The following ABCA4 variants were observed in gnomAD, a reference collection of about 807,000 sequenced individuals.
ABCA4 encodes ATP binding cassette subfamily A member 4.
In ABCA4, 196 loss-of-function variants were observed where a neutral mutation model predicts 263.7. The ratio of observed to expected loss-of-function variants is 0.74; its 90% CI spans 0.66 to 0.84. ABCA4 has a LOEUF of 0.84. Among genes scored for constraint, ABCA4 ranks in the 40% least tolerant of loss-of-function variants. The pLI, the probability that ABCA4 is intolerant of heterozygous loss-of-function variation, is 0.00. For synonymous variants in ABCA4, 1,133 were observed against 1,094.2 expected, an observed-to-expected ratio of 1.04 and a Z score of -0.70; for missense variants, 2,792 against 2,855.1, an observed-to-expected ratio of 0.98 and a Z score of 0.50.
chr1:94,041,706 T>C (rs1660492376), intron 22 of ABCA4, among the ~76,000 whole-genome samples: 5 of 152,118 alleles, frequency 3.3e-5, no homozygotes, highest in Admixed American at 3.3e-4. Context: ...TCTAGGGAGT[T>C]TCATATGTAC....
chr1:94,083,335 A>G lies in ABCA4; in HGVS notation c.858+17T>C. On this transcript the variant is annotated intron_variant, in intron 7 of 49. Coordinates refer to ENST00000370225, the MANE Select transcript of ABCA4 (RefSeq NM_000350.3). ...AAGACATAATGAAATTATAATTACT[A>G]CCATCAGGCTACTCACCTCTTGAAT... 2 of 1,553,846 alleles carry G rather than the reference A, an allele frequency of 1.3e-6. No homozygotes were observed. Among genetic ancestry groups the G allele is most frequent in the South Asian group, 1.1e-5 (1 of 89,864 alleles).
chr1:93,993,182 C>T lies in ABCA4; in HGVS notation c.*55G>A, dbSNP rs201160433. ...ATGACCATATGGGCACAGGCTCCTG[C>T]GCCTCCAGCTGCCCAGAGTTCCTTT... On this transcript the variant is annotated 3_prime_UTR_variant, in exon 50 of 50. Transcript: ENST00000370225. The T allele has an allele frequency of 4.4e-5, 71 of 1,612,668 alleles. No homozygotes were observed. In the Middle Eastern group the frequency reaches 6.7e-4, roughly 15 times the overall value.
chr1:94,013,018 G>A (rs566015590), intron 38 of ABCA4, among the ~76,000 whole-genome samples: 7 of 152,324 alleles, frequency 4.6e-5, no homozygotes, highest in African/African-American at 1.4e-4. Flanking sequence ...TTTTGAAGGC[G>A]GGTGCTTAGC....
At chr1:94,044,068 TC>T (rs1660599075) in intron 20 of ABCA4, among the ~76,000 whole-genome samples, 1 of 14,662 alleles carries the variant, frequency 6.8e-5, no homozygotes, top group African/African-American at 7.7e-5. Flanking sequence ...CTCCCTCGCT[TC>T]CTTCTCCCCT....
At chr1:94,008,129 T>C (rs1659445679) in intron 42 of ABCA4, 106 bp downstream of exon 42, 2 of 1,023,902 alleles carry the variant, frequency 2.0e-6, no homozygotes, top group Admixed American at 1.9e-5. Flanking sequence ...GTGACTTGCA[T>C]TATGGCATTA....
At chr1:94,087,134 C>T (rs1286122251) in intron 6 of ABCA4, among the ~76,000 whole-genome samples, 1 of 152,188 alleles carries the variant, frequency 6.6e-6, no homozygotes, top group Non-Finnish European at 1.5e-5. Flanking sequence ...AAGGCCCCAC[C>T]TCCTAATGCC....
At chr1:94,010,332 C>G (rs1266896353) in intron 40 of ABCA4, among the ~76,000 whole-genome samples, 1 of 149,334 alleles carries the variant, frequency 6.7e-6, no homozygotes, top group Non-Finnish European at 1.5e-5. Context: ...CCACCTTCCT[C>G]CAGGAGTGGG....
chr1:94,074,103 T>C (rs1661476086), intron 11 of ABCA4, among the ~76,000 whole-genome samples: 1 of 152,170 alleles, frequency 6.6e-6, no homozygotes, highest in Admixed American at 6.5e-5. Context: ...ACCAGGCCTC[T>C]TCCCTGGAAA....
At chr1:94,072,630 T>C (rs551087716) in intron 11 of ABCA4, among the ~76,000 whole-genome samples, 245 of 152,304 alleles carry the variant, frequency 1.6e-3, no homozygotes, top group African/African-American at 5.7e-3. Flanking sequence ...ATTAGAACTA[T>C]AAATGAATAC....
intron 36 of ABCA4, 24 bp downstream of exon 36, chr1:94,019,558 G>C: frequency 6.3e-7 from 1 of 1,580,824 alleles, no homozygotes; most frequent in Non-Finnish European, 8.6e-7. Context: ...GGAGGGGAGG[G>C]AGGCGCTGTA....
chr1:94,065,739 G>C (rs539481739), intron 11 of ABCA4, among the ~76,000 whole-genome samples: 1 of 152,314 alleles, frequency 6.6e-6, no homozygotes, highest in Admixed American at 6.5e-5. Context: ...AAATTCTAAA[G>C]GGCCCAGGCT....
intron 4 of ABCA4, among the ~76,000 whole-genome samples, chr1:94,107,467 C>T (rs551800088): frequency 3.3e-5 from 5 of 152,354 alleles, no homozygotes; most frequent in African/African-American, 7.2e-5. Context: ...CTACTACACA[C>T]GTGACAGCAC....
chr1:94,041,138 C>G, intron 23 of ABCA4, 71 bp downstream of exon 23: 2 of 1,521,552 alleles, frequency 1.3e-6, no homozygotes, highest in Non-Finnish European at 9.1e-7. Context: ...GTAGCCATGT[C>G]TGGAGTGGCA....
intron 21 of ABCA4, 145 bp downstream of exon 21, chr1:94,043,191 G>A (rs1026833413): frequency 3.4e-6 from 4 of 1,191,388 alleles, no homozygotes; most frequent in East Asian, 5.1e-5. Flanking sequence ...TGATCTGGGG[G>A]CTGCTCTTAG....
At chr1:94,057,415 T>A (rs1308732253) in intron 14 of ABCA4, among the ~76,000 whole-genome samples, 1 of 151,832 alleles carries the variant, frequency 6.6e-6, no homozygotes, top group Non-Finnish European at 1.5e-5. Flanking sequence ...GGGTAGGGGG[T>A]CTTGGAGCAT....
intron 31 of ABCA4, 97 bp from the exon 32 acceptor site, chr1:94,023,515 G>A: frequency 9.2e-7 from 1 of 1,085,474 alleles, no homozygotes; most frequent in Non-Finnish European, 1.4e-6. Flanking sequence ...TGAAGTCTCA[G>A]TCTTCAGGGG....
rs61749418 is a variant in ABCA4 at position 94,062,581 on chromosome 1, C to A, written c.1933G>T (p.Asp645Tyr). Residue 645 changes from aspartate (D) to tyrosine (Y), a missense_variant, in exon 13 of 50, where the codon GAT (aspartate) becomes TAT (tyrosine). Transcript: ENST00000370225. ...GATCGCGAACTTCAGACTCACGAAT[C>A]GTCCACGAAGCAGGGGTAGGGCATC... ...QQMPYPCFVD[D>Y]SFMIILNRCF... The A allele has an allele frequency of 1.7e-5, 25 of 1,501,068 alleles. No individual in the cohort carries two copies. Among genetic ancestry groups the A allele is most frequent in the Non-Finnish European group, 2.7e-6 (3 of 1,108,722 alleles). The allele number at this position is 1,501,068 out of a possible 1,614,324, so 93.0% of individuals were successfully genotyped here.
chr1:94,103,011 C>G lies in ABCA4; in HGVS notation c.570+4G>C. 6.2e-7 allele frequency: 1 copy of G among 1,614,186 alleles called. No individual in the cohort carries two copies. The highest frequency in any genetic ancestry group is 1.1e-5 in the South Asian group (1 of 91,080). On this transcript the variant is annotated splice_donor_region_variant and intron_variant, in intron 5 of 49. Transcript: ENST00000370225. The stretch of plus-strand genomic sequence containing the variant: ...GGGACCACTGGCCAGTGACATCCCC[C>G]TACCTGCTCTGGACGGACTTGAGAG...
Position 94,063,127 on chromosome 1 carries a change from T to C in ABCA4, c.1745A>G (p.Asn582Ser), listed in dbSNP as rs368362755. Residue 582 changes from asparagine to serine, a missense_variant, in exon 12 of 50, where the codon AAT becomes AGT. Coordinates refer to ENST00000370225, the MANE Select transcript of ABCA4 (RefSeq NM_000350.3). ...GAAACATCACCTGTCTTTAATCTTATTGGTTTTCTCCACCACGTCTATGTC... is the reference window on the plus strand; with the variant it reads ...GAAACATCACCTGTCTTTAATCTTACTGGTTTTCTCCACCACGTCTATGTC... ...RMDIDVVEKT[N>S]KIKDRYWDSG... 1.9e-5 allele frequency: 30 copies of C among 1,613,684 alleles called. No individual in the cohort carries two copies. The highest frequency in any genetic ancestry group is 1.1e-4 in the East Asian group (5 of 44,898).
Sources: gnomAD v4.1 joint callset for allele counts (sites outside exome capture counted in the v4.1 genomes callset) on GRCh38, gnomAD v4.1.1 for gene constraint, MANE v1.5 for transcripts, NCBI Gene and HGNC (gene_info 2026-07-23, HGNC 2026-07-21) for gene names.